The following NDRG3 variants were observed in gnomAD, a reference collection of about 807,000 sequenced individuals.
The protein encoded by NDRG3 is protein NDRG3.
A neutral mutation model predicts 57.2 loss-of-function variants in NDRG3; 23 were observed. That is an observed-to-expected ratio of 0.40 (90% CI 0.29 to 0.57). The LOEUF (loss-of-function observed/expected upper bound fraction) is 0.57, where lower values mean the gene tolerates loss of function less well. NDRG3 is among the 20% of genes least tolerant of loss of function. The probability of loss-of-function intolerance (pLI) is 0.42; values close to 1 mark genes in which losing one functional copy is unlikely to be tolerated. For synonymous variants in NDRG3, 132 were observed against 162.6 expected (o/e 0.81, Z 1.43); for missense variants, 384 against 457.3 (o/e 0.84, Z 1.46).
At position 36,651,875 on chromosome 20, in the gene NDRG3, A is replaced by G. The variant is rs1256726341; in HGVS notation, c.*1645T>C. On this transcript the variant is annotated 3_prime_UTR_variant, in exon 16 of 16. Transcript: ENST00000349004. ...GCAGAAAGCAAACAGTCTGTCTGAA[A>G]AGCCCCTTCCCAAGATTTGGAACTG... 3 of 152,218 alleles carry G rather than the reference A, an allele frequency of 2.0e-5. No individual in the cohort carries two copies. Among genetic ancestry groups the G allele is most frequent in the Non-Finnish European group, 2.9e-5 (2 of 68,040 alleles). The allele number at this position is 152,218 out of a possible 1,614,324, so 9.4% of individuals were successfully genotyped here. A position where few individuals can be genotyped will look rare whatever the true frequency, so the allele number is the denominator to read the frequency against.
intron 13 of NDRG3, among the ~76,000 whole-genome samples, chr20:36,659,558 T>C (rs1445810510): frequency 1.3e-5 from 2 of 152,204 alleles, no homozygotes; most frequent in African/African-American, 2.4e-5. Flanking sequence ...TTTGCAGTGT[T>C]TTACAATGAG....
intron 2 of NDRG3, among the ~76,000 whole-genome samples, chr20:36,712,575 A>T: frequency 7.5e-5 from 1 of 13,268 alleles, no homozygotes; most frequent in Non-Finnish European, 1.6e-4. Flanking sequence ...ATATATATAT[A>T]TATATATATA....
At chr20:36,725,600 T>TAAAAAAAAAA (rs548128722) in intron 1 of NDRG3, among the ~76,000 whole-genome samples, 1 of 82,404 alleles carries the variant, frequency 1.2e-5, no homozygotes, top group African/African-American at 4.7e-5. Context: ...AGACTCCGTC[T>TAAAAAAAAAA]AAAAAAAAAA....
intron 8 of NDRG3, among the ~76,000 whole-genome samples, chr20:36,676,323 T>A (rs943179977): frequency 1.4e-4 from 22 of 152,224 alleles, no homozygotes; most frequent in African/African-American, 5.3e-4. Flanking sequence ...AAACCTTAAT[T>A]TTCTCTCTGG....
rs760393749 is a variant in NDRG3 at position 36,654,771 on chromosome 20, G to A, written c.947-1070C>T. ...CAGTGCAGCCAGGAGAGACTGGAAGGCGGGGCAGGGCCAGCACAGAGGAAG... is the reference window on the plus strand; with the variant it reads ...CAGTGCAGCCAGGAGAGACTGGAAGACGGGGCAGGGCCAGCACAGAGGAAG... On this transcript the variant is annotated intron_variant, in intron 15 of 15. Transcript: ENST00000349004. The A allele has an allele frequency of 7.7e-6, 6 of 779,626 alleles. No individual in the cohort carries two copies. In the East Asian group the frequency reaches 1.5e-4, roughly 19 times the overall value. 48.3% of individuals were successfully genotyped at this position (779,626 alleles called of 1,614,324 possible). A position where few individuals can be genotyped will look rare whatever the true frequency, so the allele number is the denominator to read the frequency against.
intron 1 of NDRG3, among the ~76,000 whole-genome samples, chr20:36,741,917 T>C (rs960992500): frequency 6.6e-6 from 1 of 152,212 alleles, no homozygotes; most frequent in African/African-American, 2.4e-5. Flanking sequence ...GAACCACTGC[T>C]CTAAGCCAGC....
At chr20:36,746,012 CCCCCCGCGGG>C (rs1986174788) in intron 1 of NDRG3, 23 bp downstream of exon 1, 1 of 315,712 alleles carries the variant, frequency 3.2e-6, no homozygotes, top group East Asian at 4.6e-5. Flanking sequence ...GCGCCGCGCG[CCCCCCGCGGG>C]CCGGGCGGAG....
At position 36,721,718 on chromosome 20, in the gene NDRG3, A is replaced by T. The variant is rs1460459164; in HGVS notation, c.18T>A (p.Asp6Glu). 3.1e-6 allele frequency: 5 copies of T among 1,611,060 alleles called. No individual in the cohort carries two copies. The highest frequency in any genetic ancestry group is 4.2e-6 in the Non-Finnish European group (5 of 1,177,430). ...GTGGTTTGATCTCTGTGAGCTGAAC[A>T]TCCTGAAGTTCATCCATGAGGTCAG... Reference protein sequence around the residue: MDELQDVQLTEIKPLL... With the variant: MDELQEVQLTEIKPLL... The change falls in exon 2 of 16, where the codon GAT (aspartate) becomes GAA (glutamate). Residue 6 changes from aspartate (D) to glutamate (E), a missense_variant. Transcript: ENST00000349004.
intron 1 of NDRG3, among the ~76,000 whole-genome samples, chr20:36,722,819 T>C (rs1984674969): frequency 6.6e-6 from 1 of 152,208 alleles, no homozygotes; most frequent in African/African-American, 2.4e-5. Context: ...GGATGGCTCG[T>C]GTAACTAATA....
intron 3 of NDRG3, among the ~76,000 whole-genome samples, chr20:36,690,317 T>C (rs1353860953): frequency 2.0e-5 from 3 of 150,728 alleles, no homozygotes; most frequent in African/African-American, 4.9e-5. Context: ...AGGAACCAAA[T>C]AGAGCAGACA....
Position 36,671,376 on chromosome 20 carries a change from C to A in NDRG3, c.553G>T (p.Val185Phe). Reference protein sequence around the residue: ...ASKLSGLTTNVVDIILAHHFG... With the variant: ...ASKLSGLTTNFVDIILAHHFG... ...TGATGAGCCAAAATAATGTCCACAA[C>A]ATTGGTTGTCAGGCCAGAGAGCTGA... The change falls in exon 9 of 16, where the codon GTT becomes TTT. Residue 185 changes from valine to phenylalanine, a missense_variant. Coordinates refer to ENST00000349004, the MANE Select transcript of NDRG3 (RefSeq NM_032013.4). 3 of 1,613,946 alleles carry A rather than the reference C, an allele frequency of 1.9e-6. No individual in the cohort carries two copies. The highest frequency in any genetic ancestry group is 2.7e-5 in the African/African-American group (2 of 75,038).
chr20:36,683,557 C>T (rs557139155), intron 6 of NDRG3, among the ~76,000 whole-genome samples: 4 of 151,848 alleles, frequency 2.6e-5, no homozygotes, highest in Non-Finnish European at 5.9e-5. Context: ...GCAGAGGCTG[C>T]AGTGAGCTGC....
chr20:36,667,077 C>G (rs985432007), intron 9 of NDRG3, among the ~76,000 whole-genome samples: 1 of 152,126 alleles, frequency 6.6e-6, no homozygotes, highest in Non-Finnish European at 1.5e-5. Context: ...CTCAAGTGAT[C>G]TGCTGCACCT....
At chr20:36,673,307 A>G (rs777958117) in intron 8 of NDRG3, among the ~76,000 whole-genome samples, 1 of 152,218 alleles carries the variant, frequency 6.6e-6, no homozygotes, top group Non-Finnish European at 1.5e-5. Context: ...TTTAGAATCT[A>G]GTTTGCTGAT....
intron 8 of NDRG3, among the ~76,000 whole-genome samples, chr20:36,679,001 C>T (rs1345534077): frequency 6.6e-6 from 1 of 152,034 alleles, no homozygotes; most frequent in African/African-American, 2.4e-5. Flanking sequence ...CCCAGGCTGG[C>T]GTGCAGTGGC....
intron 15 of NDRG3, among the ~76,000 whole-genome samples, chr20:36,654,569 T>C (rs998273160): frequency 1.3e-5 from 2 of 152,222 alleles, no homozygotes; most frequent in African/African-American, 4.8e-5. Context: ...AAGTTTCAGC[T>C]GCTGCTGTGA....
At chr20:36,680,011 AT>A in intron 8 of NDRG3, among the ~76,000 whole-genome samples, 1 of 149,614 alleles carries the variant, frequency 6.7e-6, no homozygotes, top group Non-Finnish European at 1.5e-5. Context: ...TTTAGTAGAG[AT>A]GGGGTTTCTC....
At chr20:36,660,583 C>T (rs186963603) in intron 12 of NDRG3, among the ~76,000 whole-genome samples, 199 bp from the exon 13 acceptor site, 5 of 145,034 alleles carry the variant, frequency 3.4e-5, no homozygotes, top group South Asian at 2.1e-4. Flanking sequence ...TTTTTTGAGA[C>T]GGAGTCTCGC....
chr20:36,657,778 C>T (rs1978810454), intron 13 of NDRG3, among the ~76,000 whole-genome samples: 1 of 152,104 alleles, frequency 6.6e-6, no homozygotes, highest in South Asian at 2.1e-4. Context: ...GGGAGAGGCC[C>T]CTGAAAATTC....
Sources: allele counts gnomAD v4.1 joint callset (sites outside exome capture counted in the v4.1 genomes callset), GRCh38; gene constraint gnomAD v4.1.1; transcripts MANE v1.5; gene names NCBI Gene and HGNC (gene_info 2026-07-23, HGNC 2026-07-21).